The following TENM2 variants were observed in gnomAD, a reference collection of about 807,000 sequenced individuals.
TENM2 encodes teneurin-2.
Under a neutral mutation model 245.2 loss-of-function variants are expected in TENM2, and 52 were observed. That is an observed-to-expected ratio of 0.21 (90% confidence interval 0.17 to 0.27). The LOEUF is 0.27. Ranked by LOEUF, TENM2 falls within the 10% of genes least tolerant of loss-of-function variation. The pLI is 1.00. For missense variants in TENM2, 3,046 were observed against 3,666.8 expected (o/e 0.83, Z 4.37); for synonymous variants, 1,363 against 1,438.9 (o/e 0.95, Z 1.19).
the TENM2 span, among the ~76,000 whole-genome samples, chr5:167,257,770 A>C: frequency 6.6e-6 from 1 of 152,248 alleles, no homozygotes; most frequent in African/African-American, 2.4e-5. Flanking sequence ...TCAGAAGTAA[A>C]ATAGAAAATA....
At chr5:168,126,934 C>A (rs1213626231) in exon 12 of TENM2, 1 of 1,608,254 alleles carries the variant, frequency 6.2e-7, no homozygotes, top group Non-Finnish European at 8.5e-7. Context: ...GAACACTGCA[C>A]CATTGGTAGG....
chr5:168,101,924 C>G (rs1793845859), intron 9 of TENM2, among the ~76,000 whole-genome samples: 1 of 152,286 alleles, frequency 6.6e-6, no homozygotes, highest in Non-Finnish European at 1.5e-5. Flanking sequence ...CTAAAGCCTT[C>G]TTTCCCAGTC....
intron 2 of TENM2, among the ~76,000 whole-genome samples, chr5:167,408,982 T>C (rs2127400209): frequency 6.6e-6 from 1 of 151,342 alleles, no homozygotes; most frequent in South Asian, 2.1e-4. Context: ...ATACAATTTT[T>C]GAAATGCAAA....
chr5:166,996,073 G>A, the TENM2 span, among the ~76,000 whole-genome samples: 1 of 152,132 alleles, frequency 6.6e-6, no homozygotes, highest in African/African-American at 2.4e-5. Flanking sequence ...GCTGGGCGCA[G>A]TGACTCACGT....
In TENM2 at chr5:167,619,028, T is replaced by C. The variant is rs183609714; in HGVS notation, c.502+243555T>C. ...AACTGGGGAGTGTATATTTCATTTCTAGGAGCACTCACTACTCAAAGCCCA... is the reference window on the plus strand; with the variant it reads ...AACTGGGGAGTGTATATTTCATTTCCAGGAGCACTCACTACTCAAAGCCCA... On this transcript the variant is annotated intron_variant, in intron 2 of 28. Transcript: ENST00000518659. 7.2e-5 allele frequency among the ~76,000 whole-genome samples: 11 copies of C among 152,222 alleles called. No individual in the cohort carries two copies. In the East Asian group the frequency reaches 2.1e-3, roughly 29 times the overall value.
At chr5:168,192,212 G>C (rs1426828718) in intron 14 of TENM2, among the ~76,000 whole-genome samples, 2 of 152,124 alleles carry the variant, frequency 1.3e-5, no homozygotes, top group East Asian at 3.9e-4. Context: ...AAGCCAGGAA[G>C]AAAAAGCACT....
chr5:168,147,494 A>G (rs1410404521), intron 12 of TENM2, among the ~76,000 whole-genome samples: 1 of 152,204 alleles, frequency 6.6e-6, no homozygotes, highest in Admixed American at 6.5e-5. Context: ...TCCTATACCT[A>G]TGACACTATA....
intron 9 of TENM2, among the ~76,000 whole-genome samples, chr5:168,113,497 A>G (rs976975235): frequency 3.3e-5 from 5 of 151,694 alleles, no homozygotes; most frequent in African/African-American, 1.2e-4. Context: ...AATATCCTTA[A>G]CTTTTCTCCA....
At chr5:167,342,110 AATAC>A (rs1474861007) in intron 1 of TENM2, among the ~76,000 whole-genome samples, 1 of 152,160 alleles carries the variant, frequency 6.6e-6, no homozygotes, top group Non-Finnish European at 1.5e-5. Flanking sequence ...AATCAATAGT[AATAC>A]ATTATTATTA....
the TENM2 span, among the ~76,000 whole-genome samples, chr5:167,053,560 A>G: frequency 6.6e-6 from 1 of 152,144 alleles, no homozygotes; most frequent in African/African-American, 2.4e-5. Context: ...GTATCCATGA[A>G]CTTTTTCACC....
intron 1 of TENM2, among the ~76,000 whole-genome samples, chr5:167,322,354 C>T (rs1047830548): frequency 2.0e-5 from 3 of 152,018 alleles, no homozygotes; most frequent in African/African-American, 7.2e-5. Flanking sequence ...TGTTAGCCAC[C>T]CATACCGTGG....
At chr5:166,993,272 G>GA in the TENM2 span, among the ~76,000 whole-genome samples, 2 of 152,150 alleles carry the variant, frequency 1.3e-5, no homozygotes, top group Admixed American at 1.3e-4. Context: ...TATTTTGCAA[G>GA]AAAAGGAACG....
At chr5:167,832,224 C>T (rs565222507) in intron 2 of TENM2, among the ~76,000 whole-genome samples, 139 of 152,308 alleles carry the variant, frequency 9.1e-4, no homozygotes, top group Middle Eastern at 6.8e-3. Flanking sequence ...CAAAGATTTA[C>T]GGCACTGCGT....
chr5:167,431,922 T>TATATACATATATATATACATATATA (rs1764245769), intron 2 of TENM2, among the ~76,000 whole-genome samples: 5 of 123,770 alleles, frequency 4.0e-5, no homozygotes, highest in South Asian at 2.4e-4. Context: ...GTGATATATA[T>TATATACATATATATATACATATATA]ATATACATAT....
At chr5:167,630,486 C>A (rs977007515) in intron 2 of TENM2, among the ~76,000 whole-genome samples, 7 of 152,092 alleles carry the variant, frequency 4.6e-5, no homozygotes, top group African/African-American at 1.7e-4. Context: ...GCTTATTTTT[C>A]GAATTTTTCA....
intron 1 of TENM2, chr5:167,296,217 T>A (rs1382992967): frequency 1.3e-5 from 2 of 152,242 alleles, no homozygotes; most frequent in Non-Finnish European, 2.9e-5. Flanking sequence ...TGAAGCCTCT[T>A]TGTGTTCACC....
At chr5:168,173,346 C>T (rs545322075) in intron 13 of TENM2, among the ~76,000 whole-genome samples, 4 of 152,244 alleles carry the variant, frequency 2.6e-5, no homozygotes, top group South Asian at 2.1e-4. Context: ...GTCAATGCTG[C>T]GTTGCCACCA....
chr5:167,215,660 C>T, the TENM2 span, among the ~76,000 whole-genome samples: 1 of 152,132 alleles, frequency 6.6e-6, no homozygotes, highest in Admixed American at 6.5e-5. Flanking sequence ...TCTTACATTA[C>T]AGAGAAGGAA....
chr5:167,608,576 A>G (rs10475856), intron 2 of TENM2, among the ~76,000 whole-genome samples: 102,588 of 152,140 alleles, frequency 0.67, 34,724 homozygotes, highest in Middle Eastern at 0.75. Context: ...CAGCGCCGAC[A>G]TCCCCTCTCC....
Sources: allele counts gnomAD v4.1 joint callset (sites outside exome capture counted in the v4.1 genomes callset), GRCh38; gene constraint gnomAD v4.1.1; transcripts MANE v1.5; gene names NCBI Gene and HGNC (gene_info 2026-07-23, HGNC 2026-07-21).